Variants in PLCB1 observed in about 807,000 individuals in gnomAD.
The protein encoded by PLCB1 is 1-phosphatidylinositol 4,5-bisphosphate phosphodiesterase beta-1.
A neutral mutation model predicts 161.8 loss-of-function variants in PLCB1; 46 were observed. The observed-to-expected ratio is 0.28, with a 90% confidence interval of 0.22 to 0.36. PLCB1 has a LOEUF of 0.36. Ranked by LOEUF, PLCB1 falls within the 10% of genes least tolerant of loss-of-function variation. The pLI is 1.00. For missense variants in PLCB1, 1,016 were observed against 1,472.5 expected, an observed-to-expected ratio of 0.69 and a Z score of 5.07; for synonymous variants, 517 against 503.7, an observed-to-expected ratio of 1.03 and a Z score of -0.35.
At chr20:8,415,208 C>T (rs922369354) in intron 3 of PLCB1, among the ~76,000 whole-genome samples, 1 of 152,082 alleles carries the variant, frequency 6.6e-6, no homozygotes, top group African/African-American at 2.4e-5. Flanking sequence ...GTTGATTTTC[C>T]CATTCATGAA....
chr20:8,752,029 A>G (rs1222127690), intron 23 of PLCB1: 1 of 148,808 alleles, frequency 6.7e-6, no homozygotes, highest in East Asian at 2.0e-4. Context: ...TTAGTATTGT[A>G]CTCCTATAGG....
chr20:8,305,708 C>A (rs1204121177), intron 2 of PLCB1: 1 of 152,174 alleles, frequency 6.6e-6, no homozygotes, highest in Non-Finnish European at 1.5e-5. Flanking sequence ...GGCTAAACAT[C>A]CACAAGGTTA....
chr20:8,806,396 C>G (rs1038376788), intron 31 of PLCB1, among the ~76,000 whole-genome samples: 4 of 152,052 alleles, frequency 2.6e-5, no homozygotes, highest in Non-Finnish European at 5.9e-5. Context: ...CTCATAGTTC[C>G]CCTCTCTAAA....
At chr20:8,546,577 T>G (rs922880450) in intron 3 of PLCB1, among the ~76,000 whole-genome samples, 8 of 152,150 alleles carry the variant, frequency 5.3e-5, no homozygotes, top group African/African-American at 1.9e-4. Context: ...GGGGAGGTAA[T>G]GTAATGCAAC....
chr20:8,585,543 T>C (rs1281822676), intron 3 of PLCB1, among the ~76,000 whole-genome samples: 2 of 152,270 alleles, frequency 1.3e-5, no homozygotes, highest in African/African-American at 2.4e-5. Context: ...TGGTCTACCA[T>C]ATCGGTTCAT....
In PLCB1 at chr20:8,718,160, C is replaced by A. The variant is rs963168497; in HGVS notation, c.1513+312C>A. On this transcript the variant is annotated intron_variant, in intron 14 of 31. Coordinates refer to ENST00000338037, the MANE Select transcript of PLCB1 (RefSeq NM_015192.4). ...GCTTGAACCTAGGAGGCAGATGTTG[C>A]AGTAAGACAAGATCCAGCCACTGCA... Among the ~76,000 whole-genome samples, 3 of 152,046 alleles carry A rather than the reference C, an allele frequency of 2.0e-5. No homozygotes were observed. The East Asian group carries it at 5.8e-4, about 29-fold the overall frequency.
At chr20:8,262,052 C>T (rs1283629780) in intron 2 of PLCB1, among the ~76,000 whole-genome samples, 7 of 151,718 alleles carry the variant, frequency 4.6e-5, no homozygotes, top group East Asian at 3.9e-4. Context: ...TTTTTATGTG[C>T]GTTTTTGTTT....
intron 3 of PLCB1, among the ~76,000 whole-genome samples, chr20:8,419,367 C>A (rs1728911991): frequency 6.6e-6 from 1 of 152,006 alleles, no homozygotes; most frequent in African/African-American, 2.4e-5. Context: ...TAAACAGCAT[C>A]CAAAAATGTT....
In PLCB1 at chr20:8,741,554, A is replaced by G. The variant is rs1980880745; in HGVS notation, c.2504A>G (p.Glu835Gly). 6.2e-7 allele frequency: 1 copy of G among 1,611,282 alleles called. No individual in the cohort carries two copies. The change falls in exon 23 of 32, where the codon GAA becomes GGA. Residue 835 changes from glutamate (E) to glycine (G), a missense_variant. Physicochemically the swap from Glu to Gly is moderately conservative, Grantham distance 98. Around this residue, in one of 10 missense-constraint regions of PLCB1, gnomAD observed 398 missense variants for 445.4 expected, o/e 0.89. Coordinates refer to ENST00000338037, the MANE Select transcript of PLCB1 (RefSeq NM_015192.4). ...TTGGCTGCTTTGACACTGGAAGATG[A>G]AGAAGAAGTAAAGAAAGAGGTGAGA... ...KQLAALTLED[E>G]EEVKKEADPG...
intron 1 of PLCB1, among the ~76,000 whole-genome samples, chr20:8,148,398 T>A (rs1406059688): frequency 1.3e-5 from 2 of 152,222 alleles, no homozygotes; most frequent in Non-Finnish European, 2.9e-5. Context: ...ATTTTAAAAT[T>A]CTAGCTGAAG....
intron 3 of PLCB1, among the ~76,000 whole-genome samples, chr20:8,479,860 C>A (rs1186089982): frequency 6.6e-6 from 1 of 152,206 alleles, no homozygotes; most frequent in Non-Finnish European, 1.5e-5. Flanking sequence ...AAGATCAGAA[C>A]CCAACCTGTA....
chr20:8,828,543 G>A (rs559980640), intron 31 of PLCB1, among the ~76,000 whole-genome samples: 1 of 152,122 alleles, frequency 6.6e-6, no homozygotes, highest in Non-Finnish European at 1.5e-5. Flanking sequence ...TCACTAATAA[G>A]AGTACATTAT....
intron 16 of PLCB1, among the ~76,000 whole-genome samples, chr20:8,726,262 C>A (rs1397627689): frequency 6.6e-6 from 1 of 152,102 alleles, no homozygotes; most frequent in African/African-American, 2.4e-5. Context: ...AAGTGATTCT[C>A]GGTCTTTCTA....
chr20:8,371,574 G>A, intron 3 of PLCB1, 124 bp downstream of exon 3: 2 of 619,876 alleles, frequency 3.2e-6, no homozygotes, highest in Non-Finnish European at 5.7e-6. Context: ...ACAATAGCCA[G>A]TATGCCCTAA....
chr20:8,830,541 T>G (rs1047110614), intron 31 of PLCB1, among the ~76,000 whole-genome samples: 2 of 152,188 alleles, frequency 1.3e-5, no homozygotes, highest in African/African-American at 4.8e-5. Context: ...GACCACTGAA[T>G]ACACATTTGG....
intron 3 of PLCB1, among the ~76,000 whole-genome samples, chr20:8,503,419 A>G (rs938715649): frequency 3.3e-5 from 5 of 152,110 alleles, no homozygotes; most frequent in Non-Finnish European, 7.4e-5. Context: ...CTTCTCTTTG[A>G]CATGACCTTT....
chr20:8,647,300 A>G (rs1023756627), intron 5 of PLCB1, among the ~76,000 whole-genome samples: 6 of 152,252 alleles, frequency 3.9e-5, no homozygotes, highest in Non-Finnish European at 8.8e-5. Context: ...TATCTGAAAC[A>G]TAGCATGTTA....
intron 2 of PLCB1, among the ~76,000 whole-genome samples, chr20:8,354,789 T>C (rs977237444): frequency 2.0e-5 from 3 of 152,214 alleles, no homozygotes; most frequent in Admixed American, 1.3e-4. Flanking sequence ...AGTACTATTA[T>C]TTCTCACTAC....
intron 2 of PLCB1, among the ~76,000 whole-genome samples, chr20:8,196,650 TTATA>T (rs1156543696): frequency 6.8e-6 from 1 of 146,282 alleles, no homozygotes; most frequent in Non-Finnish European, 1.5e-5. Context: ...CTCCTTTTCT[TTATA>T]TATATATATA....
Sources: gnomAD v4.1 joint callset for allele counts (sites outside exome capture counted in the v4.1 genomes callset) on GRCh38, gnomAD v4.1.1 for gene constraint, gnomAD v4.1.1 regional missense constraint, MANE v1.5 for transcripts, NCBI Gene and HGNC (gene_info 2026-07-23, HGNC 2026-07-21) for gene names.